VGLL4: variants seen among roughly 807,000 people sequenced by gnomAD.
VGLL4 encodes the protein vestigial like family member 4.
Under a neutral mutation model 21.0 loss-of-function variants are expected in VGLL4, and 7 were observed. That is an observed-to-expected ratio of 0.33 (90% confidence interval 0.19 to 0.63). The LOEUF (loss-of-function observed/expected upper bound fraction) is 0.63, where lower values mean the gene tolerates loss of function less well. Ranked by LOEUF, VGLL4 falls within the 20% of genes least tolerant of loss-of-function variation. The probability of loss-of-function intolerance (pLI) is 0.78; values close to 1 mark genes in which losing one functional copy is unlikely to be tolerated. For missense variants in VGLL4, 394 were observed against 425.7 expected (o/e 0.93, Z 0.66); for synonymous variants, 222 against 173.2 (o/e 1.28, Z -2.21).
intron 1 of VGLL4, chr3:11,633,205 G>A (rs2075517146): frequency 6.6e-6 from 1 of 152,176 alleles, no homozygotes; most frequent in Non-Finnish European, 1.5e-5. Context: ...TCATTCATAA[G>A]GAGACAACAC....
At chr3:11,692,702 GAGGA>G (rs141300000) in intron 2 of VGLL4, among the ~76,000 whole-genome samples, 1 of 149,372 alleles carries the variant, frequency 6.7e-6, no homozygotes, top group Non-Finnish European at 1.5e-5. Flanking sequence ...AGCACCAAAG[GAGGA>G]AGGAAGACAG....
Position 11,585,108 on chromosome 3 carries a change from C to A in VGLL4, c.272+16725G>T, listed in dbSNP as rs562502330. On this transcript the variant is annotated intron_variant, in intron 2 of 4. Transcript: ENST00000430365. ...TGCTAAAAACTAGAACATGCCCCAACACACACTTAAATGCTACCAGTTTTC... is the reference window on the plus strand; with the variant it reads ...TGCTAAAAACTAGAACATGCCCCAAAACACACTTAAATGCTACCAGTTTTC... 1.3e-3 allele frequency among the ~76,000 whole-genome samples: 191 copies of A among 152,286 alleles called. 1 individual carries two copies. Among genetic ancestry groups the A allele is most frequent in the African/African-American group, 4.1e-3 (171 of 41,562 alleles).
At chr3:11,691,517 C>G (rs2076526324) in intron 2 of VGLL4, among the ~76,000 whole-genome samples, 1 of 152,208 alleles carries the variant, frequency 6.6e-6, no homozygotes, top group South Asian at 2.1e-4. Flanking sequence ...TGGCTGATTT[C>G]AAGCTCCCAA....
chr3:11,593,032 G>C (rs908982794), intron 2 of VGLL4, among the ~76,000 whole-genome samples: 1 of 152,190 alleles, frequency 6.6e-6, no homozygotes, highest in Non-Finnish European at 1.5e-5. Flanking sequence ...ACAATAACTT[G>C]TTTTGCCTAT....
upstream of VGLL4, among the ~76,000 whole-genome samples, chr3:11,645,539 A>G (rs11926061): frequency 0.13 from 7,497 of 57,650 alleles, 910 homozygotes; most frequent in African/African-American, 0.19. Context: ...GCAGTGAGCC[A>G]AGATTGCGCC....
chr3:11,558,223 C>T lies in VGLL4; in HGVS notation c.*333G>A. ...CGTCTGAGTCACCAATTCATCATGG[C>T]TTGTGACTGAGAAAGCGCTGTGGAG... is the stretch of plus-strand genomic sequence containing the variant. On this transcript the variant is annotated 3_prime_UTR_variant, in exon 5 of 5. Transcript: ENST00000430365. The T allele has an allele frequency of 2.6e-6, 1 of 391,700 alleles. No individual in the cohort carries two copies. The highest frequency in any genetic ancestry group is 4.6e-6 in the Non-Finnish European group (1 of 216,540). 24.3% of individuals were successfully genotyped at this position (391,700 alleles called of 1,614,324 possible). A position where few individuals can be genotyped will look rare whatever the true frequency, so the allele number is the denominator to read the frequency against.
intron 1 of VGLL4, among the ~76,000 whole-genome samples, chr3:11,636,808 A>C (rs1447097283): frequency 6.6e-6 from 1 of 152,200 alleles, no homozygotes; most frequent in Non-Finnish European, 1.5e-5. Context: ...CTAACTGAAA[A>C]AAAAGTTCTT....
chr3:11,640,236 T>C (rs2075663464), intron 1 of VGLL4, among the ~76,000 whole-genome samples: 2 of 152,170 alleles, frequency 1.3e-5, no homozygotes, highest in Non-Finnish European at 2.9e-5. Flanking sequence ...ACTCAGACCC[T>C]GTGCTAGGAT....
chr3:11,669,219 T>C (rs965534466), intron 2 of VGLL4, among the ~76,000 whole-genome samples: 2 of 152,168 alleles, frequency 1.3e-5, no homozygotes, highest in African/African-American at 2.4e-5. Flanking sequence ...AATGCTTCCT[T>C]TGGAAATCTT....
intron 2 of VGLL4, among the ~76,000 whole-genome samples, chr3:11,578,216 T>C (rs1174908391): frequency 6.6e-6 from 1 of 152,236 alleles, no homozygotes; most frequent in Non-Finnish European, 1.5e-5. Flanking sequence ...TGTTGCACAG[T>C]GTGGTCACAT....
At chr3:11,608,917 A>G (rs922977087) in intron 1 of VGLL4, among the ~76,000 whole-genome samples, 10 of 152,096 alleles carry the variant, frequency 6.6e-5, no homozygotes, top group African/African-American at 1.7e-4. Context: ...ACTGGAGTGC[A>G]GTGGCGAGAT....
intron 1 of VGLL4, among the ~76,000 whole-genome samples, chr3:11,706,444 A>G (rs895689178): frequency 6.6e-6 from 1 of 152,260 alleles, no homozygotes; most frequent in Non-Finnish European, 1.5e-5. Context: ...ACTAAATTTT[A>G]TAAGATAGGA....
chr3:11,582,475 A>G (rs753204562), intron 2 of VGLL4: 4 of 1,096,430 alleles, frequency 3.6e-6, no homozygotes, highest in Non-Finnish European at 5.1e-6. Context: ...CACTGCAATA[A>G]AAGTTTCCTA....
At chr3:11,561,921 AC>A (rs1461006908) in intron 3 of VGLL4, among the ~76,000 whole-genome samples, 6 of 134,656 alleles carry the variant, frequency 4.5e-5, no homozygotes, top group Non-Finnish European at 7.9e-5. Flanking sequence ...TTTTTTAAAG[AC>A]AAAGTCTCAC....
intron 2 of VGLL4, among the ~76,000 whole-genome samples, chr3:11,670,847 G>A (rs1468369794): frequency 6.6e-6 from 1 of 152,156 alleles, no homozygotes; most frequent in Non-Finnish European, 1.5e-5. Context: ...AGACCAGCCT[G>A]GCCAACATGA....
intron 2 of VGLL4, among the ~76,000 whole-genome samples, chr3:11,593,065 C>G (rs921768109): frequency 6.6e-6 from 1 of 152,240 alleles, no homozygotes; most frequent in African/African-American, 2.4e-5. Flanking sequence ...CTGTTTACGA[C>G]GTCCCAGCTG....
chr3:11,604,198 CG>C (rs1013294606), intron 1 of VGLL4: 1 of 213,328 alleles, frequency 4.7e-6, no homozygotes, highest in African/African-American at 2.4e-5. Flanking sequence ...CCCGGGGAGA[CG>C]GTGGTAAATG....
chr3:11,564,822 G>C lies in VGLL4; in HGVS notation c.470C>G (p.Thr157Arg). Residue 157 changes from threonine (T) to arginine (R), a missense_variant, in exon 3 of 5, where the codon ACA (threonine) becomes AGA (arginine). By Grantham distance (71) the Thr-to-Arg change is moderately conservative. Transcript: ENST00000430365. ...DASRPAGLSP[T>R]LTPGERQQNR... is the part of the protein sequence containing the mutation. The stretch of plus-strand genomic sequence containing the variant: ...CTGCTGCCGCTCCCCCGGGGTCAGT[G>C]TGGGCGAGAGGCCGGCTGGCCTGCT... The C allele has an allele frequency of 1.9e-6, 3 of 1,583,944 alleles. No homozygotes were observed. Among genetic ancestry groups the C allele is most frequent in the Non-Finnish European group, 2.6e-6 (3 of 1,166,926 alleles).
At chr3:11,667,847 T>C (rs2076149515) in intron 2 of VGLL4, among the ~76,000 whole-genome samples, 3 of 120,122 alleles carry the variant, frequency 2.5e-5, no homozygotes, top group Admixed American at 8.0e-5. Context: ...TTCTTCTTTT[T>C]TTTTTTTTTT....
Sources: allele counts gnomAD v4.1 joint callset (sites outside exome capture counted in the v4.1 genomes callset), GRCh38; gene constraint gnomAD v4.1.1; transcripts MANE v1.5; gene names NCBI Gene and HGNC (gene_info 2026-07-23, HGNC 2026-07-21).